The following UHRF2 variants were observed in gnomAD, a reference collection of about 807,000 sequenced individuals.
UHRF2 encodes the protein ubiquitin like with PHD and ring finger domains 2.
In UHRF2, 23 loss-of-function variants were observed where a neutral mutation model predicts 96.8. The ratio of observed to expected loss-of-function variants is 0.24; its 90% CI spans 0.17 to 0.34. The LOEUF (loss-of-function observed/expected upper bound fraction) is 0.34. Among genes scored for constraint, UHRF2 ranks in the 10% least tolerant of loss-of-function variants. UHRF2 has a pLI of 1.00. For missense variants in UHRF2, 685 were observed against 981.5 expected, an observed-to-expected ratio of 0.70 and a Z score of 4.04; for synonymous variants, 385 against 332.6, an observed-to-expected ratio of 1.16 and a Z score of -1.72.
chr9:6,471,796 C>A (rs1056414590), intron 4 of UHRF2, among the ~76,000 whole-genome samples: 1 of 152,006 alleles, frequency 6.6e-6, no homozygotes, highest in Non-Finnish European at 1.5e-5. Context: ...TTAAATTGGT[C>A]GGTTAAAGCT....
At chr9:6,460,456 A>G in intron 3 of UHRF2, 117 bp from the exon 4 acceptor site, 1 of 822,898 alleles carries the variant, frequency 1.2e-6, no homozygotes, top group Non-Finnish European at 1.9e-6. Flanking sequence ...GGACACTTCA[A>G]CCTATTTTAC....
intron 14 of UHRF2, among the ~76,000 whole-genome samples, chr9:6,503,568 G>C (rs1226946170): frequency 6.6e-6 from 1 of 152,018 alleles, no homozygotes; most frequent in Admixed American, 6.6e-5. Context: ...TTTTAGGATT[G>C]AGGTAAAATA....
At chr9:6,424,849 CT>C (rs1365654522) in intron 2 of UHRF2, among the ~76,000 whole-genome samples, 6 of 151,090 alleles carry the variant, frequency 4.0e-5, no homozygotes, top group Non-Finnish European at 7.4e-5. Flanking sequence ...AAATCTCCCC[CT>C]GTTAGGATTC....
At chr9:6,447,960 AT>A (rs1563763869) in intron 3 of UHRF2, among the ~76,000 whole-genome samples, 1 of 152,222 alleles carries the variant, frequency 6.6e-6, no homozygotes, top group African/African-American at 2.4e-5. Flanking sequence ...TTGTATTAAC[AT>A]TTTAACCACT....
intron 4 of UHRF2, among the ~76,000 whole-genome samples, chr9:6,469,811 T>C (rs752200279): frequency 6.6e-6 from 1 of 151,258 alleles, no homozygotes; most frequent in African/African-American, 2.4e-5. Flanking sequence ...TATATATTTA[T>C]ATTTGGAATT....
At chr9:6,460,294 TA>T (rs1822456047) in intron 3 of UHRF2, among the ~76,000 whole-genome samples, 1 of 152,172 alleles carries the variant, frequency 6.6e-6, no homozygotes, top group Non-Finnish European at 1.5e-5. Flanking sequence ...GCTGAACACT[TA>T]CTTGCCTGAC....
At chr9:6,441,213 T>C (rs1821142704) in intron 3 of UHRF2, among the ~76,000 whole-genome samples, 1 of 151,724 alleles carries the variant, frequency 6.6e-6, no homozygotes, top group Admixed American at 6.6e-5. Context: ...ACCCAGTCTC[T>C]ACAAAAAAAA....
chr9:6,475,294 C>A, intron 4 of UHRF2, 97 bp from the exon 5 acceptor site: 2 of 609,366 alleles, frequency 3.3e-6, no homozygotes, highest in South Asian at 3.9e-5. Context: ...TATAAATAGA[C>A]AGATTTCAGT....
At chr9:6,482,237 T>C in intron 8 of UHRF2, 138 bp downstream of exon 8, 4 of 717,988 alleles carry the variant, frequency 5.6e-6, no homozygotes, top group South Asian at 1.8e-5. Flanking sequence ...AGGATGGGTG[T>C]ACTCTTCCTG....
intron 2 of UHRF2, among the ~76,000 whole-genome samples, chr9:6,423,550 A>G (rs2130731105): frequency 6.6e-6 from 1 of 152,292 alleles, no homozygotes; most frequent in South Asian, 2.1e-4. Context: ...ATGTTTCAAT[A>G]TAATTCATTG....
intron 3 of UHRF2, among the ~76,000 whole-genome samples, chr9:6,453,874 C>G (rs1822016360): frequency 6.6e-6 from 1 of 152,002 alleles, no homozygotes; most frequent in Admixed American, 6.6e-5. Context: ...CATTGTACTC[C>G]AACCTGGGCA....
At chr9:6,434,782 CTG>C (rs751194381) in intron 3 of UHRF2, among the ~76,000 whole-genome samples, 4 of 152,018 alleles carry the variant, frequency 2.6e-5, no homozygotes, top group East Asian at 3.9e-4. Context: ...ATTTTGGAAA[CTG>C]TATTTTATAA....
intron 4 of UHRF2, among the ~76,000 whole-genome samples, chr9:6,461,504 C>T (rs1008580578): frequency 6.6e-6 from 1 of 151,388 alleles, no homozygotes; most frequent in African/African-American, 2.4e-5. Flanking sequence ...TCCCAAGTAG[C>T]TGGGACTACA....
intron 2 of UHRF2, among the ~76,000 whole-genome samples, chr9:6,426,996 C>T (rs2130743997): frequency 1.7e-5 from 1 of 60,114 alleles, no homozygotes. Flanking sequence ...TGATCACCTG[C>T]CTCGGCCTCC....
At chr9:6,442,137 G>C (rs1342007557) in intron 3 of UHRF2, among the ~76,000 whole-genome samples, 1 of 152,042 alleles carries the variant, frequency 6.6e-6, no homozygotes, top group Non-Finnish European at 1.5e-5. Context: ...GCTAGTTTTG[G>C]TGTTTTTAAT....
Position 6,460,630 on chromosome 9 carries a change from A to T in UHRF2, c.702A>T (p.Arg234Ser). Residue 234 changes from arginine to serine, a missense_variant, in exon 4 of 16, where the codon AGA becomes AGT. Arg to Ser is a moderately radical substitution (Grantham distance 110). Transcript: ENST00000276893. ...MNVKDLRPRA[R>S]TILKWNELNV... ...TCAAGGATCTTAGACCACGAGCTAG[A>T]ACCATTTTGAAATGGAATGAACTAA... 1 of 1,613,104 alleles carries T rather than the reference A, an allele frequency of 6.2e-7. No individual in the cohort carries two copies. The highest frequency in any genetic ancestry group is 8.5e-7 in the Non-Finnish European group (1 of 1,179,796).
intron 4 of UHRF2, among the ~76,000 whole-genome samples, chr9:6,473,292 G>C (rs1466339208): frequency 6.6e-6 from 1 of 152,176 alleles, no homozygotes; most frequent in African/African-American, 2.4e-5. Flanking sequence ...AAATCCATGA[G>C]TCCATAGTAA....
chr9:6,486,717 T>C, intron 8 of UHRF2, 104 bp from the exon 9 acceptor site: 1 of 1,046,962 alleles, frequency 9.6e-7, no homozygotes, highest in Non-Finnish European at 1.4e-6. Flanking sequence ...TCTGTGAGAC[T>C]CACTTCTTGG....
intron 1 of UHRF2, among the ~76,000 whole-genome samples, chr9:6,419,919 A>T (rs904695174): frequency 6.6e-6 from 1 of 151,484 alleles, no homozygotes; most frequent in African/African-American, 2.4e-5. Flanking sequence ...TTTTTTATTT[A>T]TTTATTTATT....
Sources: gnomAD v4.1 joint callset for allele counts (sites outside exome capture counted in the v4.1 genomes callset) on GRCh38, gnomAD v4.1.1 for gene constraint, MANE v1.5 for transcripts, NCBI Gene and HGNC (gene_info 2026-07-23, HGNC 2026-07-21) for gene names.